The following ATP13A5 variants were observed in gnomAD, a reference collection of about 807,000 sequenced individuals.
The protein encoded by ATP13A5 is probable cation-transporting ATPase 13A5.
ATP13A5 carries 149 observed loss-of-function variants against 150.2 expected under a neutral mutation model. That is an observed-to-expected ratio of 0.99 (90% CI 0.87 to 1.14). ATP13A5 has a LOEUF of 1.14. ATP13A5 is among the 50% of genes most tolerant of loss of function. ATP13A5 has a pLI of 0.00. For missense variants in ATP13A5, 1,383 were observed against 1,449.3 expected (o/e 0.95, Z 0.74); for synonymous variants, 497 against 522.2 (o/e 0.95, Z 0.66).
intron 4 of ATP13A5, 41 bp downstream of exon 4, chr3:193,362,526 C>G (rs1334615297): frequency 1.9e-6 from 3 of 1,613,046 alleles, no homozygotes; most frequent in Middle Eastern, 1.6e-4. Flanking sequence ...AGTGTTTTTC[C>G]CCTATATCCT....
At chr3:193,282,801 G>C (rs1257303550) in intron 27 of ATP13A5, among the ~76,000 whole-genome samples, 1 of 152,198 alleles carries the variant, frequency 6.6e-6, no homozygotes, top group African/African-American at 2.4e-5. Context: ...TAAATGGGAA[G>C]ATTAAGTTAT....
At chr3:193,287,800 A>G (rs1338246563) in intron 26 of ATP13A5, among the ~76,000 whole-genome samples, 1 of 152,168 alleles carries the variant, frequency 6.6e-6, no homozygotes, top group Non-Finnish European at 1.5e-5. Context: ...GCTGCCATAG[A>G]GAGTGATTCA....
At chr3:193,314,626 G>A (rs139528268) in intron 18 of ATP13A5, among the ~76,000 whole-genome samples, 5 of 152,210 alleles carry the variant, frequency 3.3e-5, no homozygotes, top group African/African-American at 1.2e-4. Context: ...CTGCCCTAGA[G>A]GACCATCAAC....
intron 16 of ATP13A5, 46 bp from the exon 17 acceptor site, chr3:193,319,154 C>T: frequency 7.0e-7 from 1 of 1,437,400 alleles, no homozygotes; most frequent in Non-Finnish European, 9.8e-7. Context: ...ATGTTGAAGG[C>T]TGGTCTAAGC....
At chr3:193,343,085 T>C (rs1047684067) in intron 9 of ATP13A5, among the ~76,000 whole-genome samples, 4 of 152,196 alleles carry the variant, frequency 2.6e-5, no homozygotes, top group Non-Finnish European at 5.9e-5. Context: ...TGTTGAACAA[T>C]TTAGGGATAG....
Position 193,274,923 on chromosome 3 carries a change from T to TAC in ATP13A5, c.*117_*118dup. 1 of 1,395,682 alleles carries TAC rather than the reference T, an allele frequency of 7.2e-7. No homozygotes were observed. The highest frequency in any genetic ancestry group is 2.4e-4 in the Middle Eastern group (1 of 4,182). 86.5% of individuals were successfully genotyped at this position (1,395,682 alleles called of 1,614,324 possible). ...TGCAAGGTTTAATTCATTGAAAATA[T>TAC]ACTTTGAATGCTTGAATGGAGAGAG... On this transcript the variant is annotated 3_prime_UTR_variant, in exon 30 of 30. Coordinates refer to ENST00000342358, the MANE Select transcript of ATP13A5 (RefSeq NM_198505.4).
chr3:193,341,171 C>T (rs898185423), intron 9 of ATP13A5, among the ~76,000 whole-genome samples: 3 of 120,676 alleles, frequency 2.5e-5, no homozygotes, highest in Non-Finnish European at 1.7e-5. Context: ...TATTCCCCCC[C>T]CCTCCCAAAT....
intron 13 of ATP13A5, among the ~76,000 whole-genome samples, chr3:193,326,077 T>C (rs2108867496): frequency 6.6e-6 from 1 of 152,302 alleles, no homozygotes; most frequent in East Asian, 1.9e-4. Context: ...GCTTGTCTGC[T>C]GTTACCTTGT....
chr3:193,325,162 A>C, intron 13 of ATP13A5, 148 bp from the exon 14 acceptor site: 1 of 759,088 alleles, frequency 1.3e-6, no homozygotes, highest in Non-Finnish European at 2.1e-6. Context: ...TAAAGTCCAA[A>C]CCCCTTAGCC....
At chr3:193,349,401 A>G (rs531551528) in intron 7 of ATP13A5, among the ~76,000 whole-genome samples, 1 of 152,324 alleles carries the variant, frequency 6.6e-6, no homozygotes, top group East Asian at 1.9e-4. Flanking sequence ...ATTTTTAAAT[A>G]GGCAAATTAC....
At chr3:193,340,385 C>A (rs992531399) in intron 9 of ATP13A5, among the ~76,000 whole-genome samples, 1 of 151,784 alleles carries the variant, frequency 6.6e-6, no homozygotes, top group Non-Finnish European at 1.5e-5. Flanking sequence ...AATGGATGAA[C>A]AAATAAGTAA....
At chr3:193,309,135 T>G (rs1718739085) in intron 21 of ATP13A5, among the ~76,000 whole-genome samples, 1 of 152,192 alleles carries the variant, frequency 6.6e-6, no homozygotes. Context: ...AGTAGGTAGA[T>G]CTGGTCTCAA....
chr3:193,277,779 C>A (rs2108812918), intron 28 of ATP13A5: 1 of 152,336 alleles, frequency 6.6e-6, no homozygotes, highest in South Asian at 2.1e-4. Context: ...CAATCCAGAA[C>A]TAACTCTTCT....
At chr3:193,346,146 G>C (rs1712327082) in intron 7 of ATP13A5, among the ~76,000 whole-genome samples, 1 of 152,066 alleles carries the variant, frequency 6.6e-6, no homozygotes, top group African/African-American at 2.4e-5. Context: ...ATAGGGTTAA[G>C]TTTTAAGGTA....
intron 7 of ATP13A5, among the ~76,000 whole-genome samples, chr3:193,347,450 G>A (rs1712386310): frequency 6.6e-6 from 1 of 151,608 alleles, no homozygotes; most frequent in Non-Finnish European, 1.5e-5. Flanking sequence ...CTTTTCTGTT[G>A]AGGAATATGT....
At chr3:193,294,587 G>A (rs566529498) in intron 25 of ATP13A5, among the ~76,000 whole-genome samples, 2 of 152,134 alleles carry the variant, frequency 1.3e-5, no homozygotes, top group Admixed American at 6.6e-5. Flanking sequence ...AGATAAATAA[G>A]TAAATAAATC....
intron 12 of ATP13A5, among the ~76,000 whole-genome samples, chr3:193,329,852 T>C (rs929139362): frequency 1.3e-5 from 2 of 152,178 alleles, no homozygotes; most frequent in Non-Finnish European, 1.5e-5. Context: ...AGATGGCCTC[T>C]TTCTTCAGTC....
rs368008053 is a variant in ATP13A5, at chr3:193,301,218, A to C, written c.2768T>G (p.Leu923Arg). The change falls in exon 24 of 30, where the codon CTC becomes CGC. Residue 923 changes from leucine (L) to arginine (R), a missense_variant. By Grantham distance (102) the Leu-to-Arg change is moderately radical (BLOSUM62 -2). Transcript: ENST00000342358. ...GIIQFISALLLYWQLQLFGNY... is the reference protein window; with the variant it reads ...GIIQFISALLRYWQLQLFGNY... ...AATGATTTTGTTTCATACCCAATAG[A>C]GCAGTAATGCACTGATAAACTGGAT... 22 of 1,610,646 alleles carry C rather than the reference A, an allele frequency of 1.4e-5. No homozygotes were observed. The highest frequency in any genetic ancestry group is 1.8e-5 in the Non-Finnish European group (21 of 1,177,588).
rs1006222913 is a variant in ATP13A5, at chr3:193,327,781, A to G, written c.1462-724T>C. On this transcript the variant is annotated intron_variant, in intron 12 of 29. Coordinates refer to ENST00000342358, the MANE Select transcript of ATP13A5 (RefSeq NM_198505.4). ...TTTCACAGGTGTTGATGAATTACATACTCTGGTGTCTTGATGCAGTAGGCT... is the reference window on the plus strand; with the variant it reads ...TTTCACAGGTGTTGATGAATTACATGCTCTGGTGTCTTGATGCAGTAGGCT... Among the ~76,000 whole-genome samples, 10 of 152,254 alleles carry G rather than the reference A, an allele frequency of 6.6e-5. 1 individual carries two copies. The highest frequency in any genetic ancestry group is 1.2e-4 in the Non-Finnish European group (8 of 68,012).
Sources: gnomAD v4.1 joint callset for allele counts (sites outside exome capture counted in the v4.1 genomes callset) on GRCh38, gnomAD v4.1.1 for gene constraint, MANE v1.5 for transcripts, NCBI Gene and HGNC (gene_info 2026-07-23, HGNC 2026-07-21) for gene names.